CD5: variants seen among roughly 807,000 people sequenced by gnomAD.
The protein encoded by CD5 is T-cell surface glycoprotein CD5.
A neutral mutation model predicts 60.3 loss-of-function variants in CD5; 36 were observed. That is an observed-to-expected ratio of 0.60 (90% confidence interval 0.46 to 0.79). CD5 has a LOEUF of 0.79. Among genes scored for constraint, CD5 ranks in the 30% least tolerant of loss-of-function variants. The probability of loss-of-function intolerance (pLI) is 0.00; values close to 1 mark genes in which losing one functional copy is unlikely to be tolerated. For missense variants in CD5, 540 were observed against 630.6 expected (o/e 0.86, Z 1.54); for synonymous variants, 230 against 257.6 (o/e 0.89, Z 1.03).
At chr11:61,112,235 A>G (rs2134599098) in intron 1 of CD5, among the ~76,000 whole-genome samples, 1 of 152,246 alleles carries the variant, frequency 6.6e-6, no homozygotes, top group South Asian at 2.1e-4. Context: ...GGAGGTGGGA[A>G]TGAGAGGTCA....
chr11:61,102,516 G>A lies in CD5; in HGVS notation c.-45G>A, dbSNP rs546900030. ...GATACCCGGCCAGACACCCTCACCT[G>A]CGGTGCCCAGCTGCCCAGGCTGAGG... On this transcript the variant is annotated 5_prime_UTR_variant, in exon 1 of 11. Coordinates refer to ENST00000347785, the MANE Select transcript of CD5 (RefSeq NM_014207.4). The A allele has an allele frequency of 9.4e-5, 141 of 1,502,238 alleles. No individual in the cohort carries two copies. In the East Asian group the frequency reaches 3.3e-3, roughly 35 times the overall value. 93.1% of individuals were successfully genotyped at this position (1,502,238 alleles called of 1,614,324 possible). A position where few individuals can be genotyped will look rare whatever the true frequency, so the allele number is the denominator to read the frequency against.
At position 61,119,336 on chromosome 11, in the gene CD5, C is replaced by T; in HGVS notation, c.566C>T (p.Ala189Val). ...CTGGGGGGTACCATCAGCTATGAGG[C>T]CCAGGACAAGACCCAGGACCTGGAG... ...GSLGGTISYEAQDKTQDLENF... is the reference protein window; with the variant it reads ...GSLGGTISYEVQDKTQDLENF... Residue 189 changes from alanine to valine, a missense_variant, in exon 5 of 11, where the codon GCC becomes GTC. Physicochemically the swap from Ala to Val is moderately conservative, Grantham distance 64. Coordinates refer to ENST00000347785, the MANE Select transcript of CD5 (RefSeq NM_014207.4). 1 of 1,614,062 alleles carries T rather than the reference C, an allele frequency of 6.2e-7. No individual in the cohort carries two copies. The highest frequency in any genetic ancestry group is 1.1e-5 in the South Asian group (1 of 91,092).
In CD5 at chr11:61,127,101, T is replaced by G. The variant is rs1304260031; in HGVS notation, c.*816T>G. Reference sequence around the variant, plus strand: ...AATTAAAAGTCCCAAGCTGAGGTAGTTTCAGTCCATCACAGTTCATCTTCT... The same window carrying G: ...AATTAAAAGTCCCAAGCTGAGGTAGGTTCAGTCCATCACAGTTCATCTTCT... On this transcript the variant is annotated 3_prime_UTR_variant, in exon 11 of 11. Coordinates refer to ENST00000347785, the MANE Select transcript of CD5 (RefSeq NM_014207.4). The G allele has an allele frequency of 6.6e-6, 1 of 151,758 alleles. No individual in the cohort carries two copies. The highest frequency in any genetic ancestry group is 6.6e-5 in the Admixed American group (1 of 15,252). The allele number at this position is 151,758 out of a possible 1,614,324, so 9.4% of individuals were successfully genotyped here.
chr11:61,110,162 C>T (rs1860834347), intron 1 of CD5, among the ~76,000 whole-genome samples: 1 of 152,074 alleles, frequency 6.6e-6, no homozygotes, highest in Non-Finnish European at 1.5e-5. Flanking sequence ...GTTATGGACC[C>T]TCAAAACCTC....
rs150610565 is a variant in CD5, at chr11:61,119,286, C to A, written c.516C>A (p.Gly172=). 7.4e-6 allele frequency: 12 copies of A among 1,613,374 alleles called. No individual in the cohort carries two copies. The highest frequency in any genetic ancestry group is 9.3e-6 in the Non-Finnish European group (11 of 1,179,884). The stretch of plus-strand genomic sequence containing the variant: ...AGTCTGGCGGCCAGCACTGTGCCGG[C>A]GTGGTGGAGTTCTACAGCGGCAGCC... ...VAQSGGQHCA[G]VVEFYSGSLG... The change falls in exon 5 of 11, where the codon GGC becomes GGA. Residue 172 remains glycine (G), a synonymous_variant. Transcript: ENST00000347785.
At chr11:61,104,008 TGTGA>T (rs1337041796) in intron 1 of CD5, among the ~76,000 whole-genome samples, 3 of 148,244 alleles carry the variant, frequency 2.0e-5, no homozygotes, top group Non-Finnish European at 4.5e-5. Flanking sequence ...TGAGTCTGTG[TGTGA>T]GTCTGTGTTC....
chr11:61,121,893 T>C lies in CD5; in HGVS notation c.1088T>C (p.Val363Ala), dbSNP rs138971764. The C allele has an allele frequency of 7.8e-6, 12 of 1,542,008 alleles. No homozygotes were observed. Among genetic ancestry groups the C allele is most frequent in the Non-Finnish European group, 1.1e-5 (12 of 1,136,238 alleles). The change falls in exon 6 of 11, where the codon GTG becomes GCG. Residue 363 changes from valine (V) to alanine (A), a missense_variant. Physicochemically the swap from Val to Ala is moderately conservative, Grantham distance 64. Coordinates refer to ENST00000347785, the MANE Select transcript of CD5 (RefSeq NM_014207.4). Reference protein sequence around the residue: ...LWERNSYCKKVFVTCQDPNPA... With the variant: ...LWERNSYCKKAFVTCQDPNPA... ...GAGAGAAATTCCTACTGCAAGAAGG[T>C]GTTTGTCACATGTGAGTTGGCCACA...
rs373199143 is a variant in CD5, at chr11:61,123,980, A to G, written c.1279+43A>G. 1.9e-4 allele frequency: 283 copies of G among 1,504,010 alleles called. 1 individual carries two copies. In the African/African-American group the frequency reaches 3.4e-3, roughly 18 times the overall value. 93.2% of individuals were successfully genotyped at this position (1,504,010 alleles called of 1,614,324 possible). ...CAGGAGCCTCCCTCAGGCCCTGGAC[A>G]GAGGCCATGGAGGCAGAGTCGAGGC... On this transcript the variant is annotated intron_variant, in intron 8 of 10. Coordinates refer to ENST00000347785, the MANE Select transcript of CD5 (RefSeq NM_014207.4).
chr11:61,103,031 GC>G (rs1225316735), intron 1 of CD5, among the ~76,000 whole-genome samples: 1 of 152,174 alleles, frequency 6.6e-6, no homozygotes, highest in African/African-American at 2.4e-5. Flanking sequence ...ATGGAAACTC[GC>G]CGTCTCCGAG....
intron 1 of CD5, among the ~76,000 whole-genome samples, chr11:61,109,373 G>A (rs76672398): frequency 3.9e-5 from 6 of 152,328 alleles, no homozygotes; most frequent in South Asian, 2.1e-4. Flanking sequence ...AGGTGCCAGC[G>A]AGGCGTGGAC....
In CD5 at chr11:61,127,456, G is replaced by A. The variant is rs1464453085; in HGVS notation, c.*1171G>A. 6.6e-6 allele frequency: 1 copy of A among 152,278 alleles called. No individual in the cohort carries two copies. The highest frequency in any genetic ancestry group is 2.4e-5 in the African/African-American group (1 of 41,444). The allele number at this position is 152,278 out of a possible 1,614,324, so 9.4% of individuals were successfully genotyped here. On this transcript the variant is annotated 3_prime_UTR_variant, in exon 11 of 11. Transcript: ENST00000347785. ...ATGGTCCAAGCCGCATAATAAGTCTGGAAGAGCAAAAGGGAGTTACTAGGA... is the reference window on the plus strand; with the variant it reads ...ATGGTCCAAGCCGCATAATAAGTCTAGAAGAGCAAAAGGGAGTTACTAGGA...
upstream of CD5, among the ~76,000 whole-genome samples, chr11:61,099,362 C>CACACACACATCAACATGGAAATCAT (rs71471809): frequency 3.2e-5 from 3 of 92,554 alleles, no homozygotes; most frequent in South Asian, 5.0e-4. Flanking sequence ...ATGGAGATCA[C>CACACACACATCAACATGGAAATCAT]ACACACACAT....
intron 7 of CD5, 62 bp from the exon 8 acceptor site, chr11:61,123,818 CCCCT>C (rs1483729193): frequency 4.9e-6 from 3 of 613,686 alleles, no homozygotes; most frequent in Non-Finnish European, 8.8e-6. Flanking sequence ...CCCATCCCCA[CCCCT>C]GCCTGCCCCC....
intron 1 of CD5, among the ~76,000 whole-genome samples, chr11:61,109,085 C>A (rs1421680503): frequency 1.3e-5 from 2 of 152,218 alleles, no homozygotes; most frequent in Non-Finnish European, 2.9e-5. Flanking sequence ...GGGCTGAATT[C>A]TGGCCCTGCC....
chr11:61,116,547 A>AC lies in CD5; in HGVS notation c.94+1454dup, dbSNP rs1251098100. The stretch of plus-strand genomic sequence containing the variant: ...CACACACACACCCCACACCACACAC[A>AC]CACACCACACACACCACACACACAC... On this transcript the variant is annotated intron_variant, in intron 2 of 10. Coordinates refer to ENST00000347785, the MANE Select transcript of CD5 (RefSeq NM_014207.4). Among the ~76,000 whole-genome samples the AC allele has an allele frequency of 3.1e-5, 3 of 96,954 alleles. No individual in the cohort carries two copies. In the East Asian group the frequency reaches 9.4e-4, roughly 30 times the overall value. The allele number at this position is 96,954 out of a possible 152,430, so 63.6% of individuals were successfully genotyped here. A position where few individuals can be genotyped will look rare whatever the true frequency, so the allele number is the denominator to read the frequency against.
At chr11:61,102,655 C>T (rs1198980854) in intron 1 of CD5, 40 bp downstream of exon 1, 8 of 1,508,638 alleles carry the variant, frequency 5.3e-6, no homozygotes, top group East Asian at 2.4e-5. Context: ...CACCCGGGCT[C>T]GCTCCAGTGC....
At chr11:61,107,278 T>TG (rs1860789876) in intron 1 of CD5, among the ~76,000 whole-genome samples, 1 of 152,002 alleles carries the variant, frequency 6.6e-6, no homozygotes, top group African/African-American at 2.4e-5. Flanking sequence ...TGCAGGTCAG[T>TG]GGGGGATCGA....
upstream of CD5, among the ~76,000 whole-genome samples, chr11:61,102,003 A>G (rs543738776): frequency 1.7e-4 from 26 of 152,256 alleles, no homozygotes; most frequent in African/African-American, 6.0e-4. Context: ...ACTTGCTAGC[A>G]AAACACCACC....
At chr11:61,107,030 A>T (rs1474939499) in intron 1 of CD5, among the ~76,000 whole-genome samples, 1 of 152,104 alleles carries the variant, frequency 6.6e-6, no homozygotes, top group East Asian at 1.9e-4. Flanking sequence ...TGTGATGGGG[A>T]GACAAACAAG....
Sources: gnomAD v4.1 joint callset for allele counts (sites outside exome capture counted in the v4.1 genomes callset) on GRCh38, gnomAD v4.1.1 for gene constraint, MANE v1.5 for transcripts, NCBI Gene and HGNC (gene_info 2026-07-23, HGNC 2026-07-21) for gene names.